ZBTB46: variants seen among roughly 807,000 people sequenced by gnomAD.
ZBTB46 encodes the protein zinc finger and BTB domain containing 46, also known as zinc finger and BTB domain-containing protein 46.
A neutral mutation model predicts 44.1 loss-of-function variants in ZBTB46; 8 were observed. That is an observed-to-expected ratio of 0.18 (90% CI 0.11 to 0.33). The LOEUF (loss-of-function observed/expected upper bound fraction) is 0.33. Ranked by LOEUF, ZBTB46 falls within the 10% of genes least tolerant of loss-of-function variation. ZBTB46 has a pLI of 1.00. For missense variants in ZBTB46, 651 were observed against 847.7 expected (o/e 0.77, Z 2.88); for synonymous variants, 409 against 382.3 (o/e 1.07, Z -0.81).
rs1214490579 is a variant in ZBTB46, at chr20:63,790,110, T to C, written c.648A>G (p.Leu216=). 12 of 1,614,050 alleles carry C rather than the reference T, an allele frequency of 7.4e-6. No homozygotes were observed. Among genetic ancestry groups the C allele is most frequent in the South Asian group, 1.1e-5 (1 of 91,080 alleles). Residue 216 remains leucine (L), a synonymous_variant, in exon 2 of 5, where the codon CTA becomes CTG. Coordinates refer to ENST00000245663, the MANE Select transcript of ZBTB46 (RefSeq NM_001369741.1). ...DGPDDVSSQP[L]WPGDVGYGPL... ...GCCCGTAGCCCACGTCTCCAGGCCATAGAGGCTGTGAAGAAACATCATCAG... is the reference window on the plus strand; with the variant it reads ...GCCCGTAGCCCACGTCTCCAGGCCACAGAGGCTGTGAAGAAACATCATCAG...
intron 3 of ZBTB46, among the ~76,000 whole-genome samples, chr20:63,764,678 C>T (rs545966005): frequency 2.0e-5 from 3 of 151,756 alleles, no homozygotes; most frequent in African/African-American, 4.8e-5. Context: ...TCTCAGCTCA[C>T]CGCATCCTCC....
intron 2 of ZBTB46, among the ~76,000 whole-genome samples, chr20:63,785,229 A>AG (rs1172181603): frequency 3.6e-5 from 5 of 138,400 alleles, no homozygotes; most frequent in African/African-American, 1.3e-4. Flanking sequence ...AGACTCAAAA[A>AG]AAAAAAAAAA....
At position 63,790,219 on chromosome 20, in the gene ZBTB46, G is replaced by A; in HGVS notation, c.539C>T (p.Ser180Phe). 2 of 1,612,386 alleles carry A rather than the reference G, an allele frequency of 1.2e-6. No homozygotes were observed. The highest frequency in any genetic ancestry group is 8.5e-7 in the Non-Finnish European group (1 of 1,179,410). The change falls in exon 2 of 5, where the codon TCT (serine) becomes TTT (phenylalanine). Residue 180 changes from serine to phenylalanine, a missense_variant. By Grantham distance (155) the Ser-to-Phe change is radical. Around this residue, in one of 5 missense-constraint regions of ZBTB46, gnomAD observed 385 missense variants for 423.3 expected, o/e 0.91. Transcript: ENST00000245663. The stretch of plus-strand genomic sequence containing the variant: ...GCTGGCGATGGCCGAGTCTCCGGAA[G>A]AATTGGCAGGACTCGTTCGCCGTGC... ...WLARRTSPANSSGDSAIASCH... is the reference protein window; with the variant it reads ...WLARRTSPANFSGDSAIASCH...
chr20:63,774,031 A>C (rs2092398697), intron 3 of ZBTB46, among the ~76,000 whole-genome samples: 4 of 143,048 alleles, frequency 2.8e-5, no homozygotes, highest in South Asian at 2.3e-4. Context: ...TGAATTCACA[A>C]CAGCTGTGTA....
upstream of ZBTB46, among the ~76,000 whole-genome samples, chr20:63,833,342 A>T (rs757925640): frequency 6.6e-6 from 1 of 152,252 alleles, no homozygotes; most frequent in Non-Finnish European, 1.5e-5. Context: ...CTGTAATCCC[A>T]GCACTTTGGG....
intron 1 of ZBTB46, chr20:63,807,996 G>A (rs1395014196): frequency 1.3e-5 from 2 of 151,588 alleles, no homozygotes; most frequent in Non-Finnish European, 2.9e-5. Context: ...TCCCACAGGG[G>A]ACACTCACGG....
rs1440178622 is a variant in ZBTB46, at chr20:63,750,642, C to T, written c.1398+2044G>A. Among the ~76,000 whole-genome samples, 3 of 152,258 alleles carry T rather than the reference C, an allele frequency of 2.0e-5. No homozygotes were observed. The East Asian group carries it at 5.8e-4, about 29-fold the overall frequency. ...AGCCCTGGTCGGACACAGTGGCTCACACCTGTAATCCCAGCACTTTGGGAA... is the reference window on the plus strand; with the variant it reads ...AGCCCTGGTCGGACACAGTGGCTCATACCTGTAATCCCAGCACTTTGGGAA... On this transcript the variant is annotated intron_variant, in intron 4 of 4. Coordinates refer to ENST00000245663, the MANE Select transcript of ZBTB46 (RefSeq NM_001369741.1).
intron 2 of ZBTB46, among the ~76,000 whole-genome samples, chr20:63,780,503 T>C (rs558884035): frequency 3.3e-5 from 5 of 151,678 alleles, no homozygotes; most frequent in African/African-American, 1.2e-4. Context: ...AGAAAAACCA[T>C]AGGAGAAAGT....
chr20:63,812,725 G>A (rs892940557), intron 1 of ZBTB46, among the ~76,000 whole-genome samples: 7 of 152,122 alleles, frequency 4.6e-5, no homozygotes, highest in African/African-American at 1.7e-4. Flanking sequence ...GTTGCCATGA[G>A]CCAAGACCAC....
At chr20:63,824,321 C>T (rs1254999701) in intron 1 of ZBTB46, among the ~76,000 whole-genome samples, 2 of 152,112 alleles carry the variant, frequency 1.3e-5, no homozygotes, top group Admixed American at 1.3e-4. Flanking sequence ...TTCGAAAATA[C>T]CTAAGCTGGC....
chr20:63,774,208 C>G (rs1323572035), intron 3 of ZBTB46, among the ~76,000 whole-genome samples: 1 of 152,060 alleles, frequency 6.6e-6, no homozygotes, highest in East Asian at 1.9e-4. Flanking sequence ...CGGCTCCTCA[C>G]TGAGTACACG....
chr20:63,769,135 G>A (rs533761781), intron 3 of ZBTB46: 19 of 964,850 alleles, frequency 2.0e-5, no homozygotes, highest in African/African-American at 3.5e-5. Context: ...GTGCCTCCTC[G>A]GAGGTGCCCG....
chr20:63,827,940 A>G (rs1250417575), intron 1 of ZBTB46, among the ~76,000 whole-genome samples: 1 of 152,188 alleles, frequency 6.6e-6, no homozygotes, highest in Non-Finnish European at 1.5e-5. Context: ...ATTGTTTTAG[A>G]GACAAGGCCT....
At chr20:63,793,303 C>T (rs760838049) in intron 1 of ZBTB46, among the ~76,000 whole-genome samples, 12 of 151,964 alleles carry the variant, frequency 7.9e-5, no homozygotes, top group East Asian at 3.9e-4. Context: ...GTGCTGAGGC[C>T]GCCCAGTGGT....
intron 1 of ZBTB46, among the ~76,000 whole-genome samples, chr20:63,808,477 G>A (rs1237353233): frequency 1.3e-5 from 2 of 152,130 alleles, no homozygotes; most frequent in Non-Finnish European, 2.9e-5. Flanking sequence ...CCCCGGGCCC[G>A]GCGGGAGGGA....
chr20:63,750,019 T>TG (rs1256360937), intron 4 of ZBTB46, among the ~76,000 whole-genome samples: 1 of 152,208 alleles, frequency 6.6e-6, no homozygotes. Flanking sequence ...TGCCAAGGCA[T>TG]GGGGGGCCCT....
At chr20:63,761,337 G>A (rs1031439125) in intron 3 of ZBTB46, among the ~76,000 whole-genome samples, 1 of 151,764 alleles carries the variant, frequency 6.6e-6, no homozygotes, top group African/African-American at 2.4e-5. Context: ...TACTTTCTTT[G>A]GGCTTAATTT....
At position 63,767,057 on chromosome 20, in the gene ZBTB46, C is replaced by T. The variant is rs1209928294; in HGVS notation, c.1222+8621G>A. Among the ~76,000 whole-genome samples, 5 of 152,238 alleles carry T rather than the reference C, an allele frequency of 3.3e-5. No individual in the cohort carries two copies. Among genetic ancestry groups the T allele is most frequent in the Admixed American group, 2.0e-4 (3 of 15,286 alleles). The stretch of plus-strand genomic sequence containing the variant: ...TAGAAAGCTGACATTGAACCTAACA[C>T]GTCCGACGAGGACGGGCAAGGGCAC... On this transcript the variant is annotated intron_variant, in intron 3 of 4. Coordinates refer to ENST00000245663, the MANE Select transcript of ZBTB46 (RefSeq NM_001369741.1). The surrounding 1 kb of genome is among the most constrained non-coding windows in gnomAD (Gnocchi z 5.0).
chr20:63,747,195 G>C lies in ZBTB46; in HGVS notation c.1505C>G (p.Thr502Ser). The change falls in exon 5 of 5, where the codon ACC becomes AGC. Residue 502 changes from threonine to serine, a missense_variant. Coordinates refer to ENST00000245663, the MANE Select transcript of ZBTB46 (RefSeq NM_001369741.1). The part of the protein sequence containing the change: ...RHGSRRHGVC[T>S]DCAGRGMAGP... ...GGCCATGCCGCGGCCAGCACAGTCG[G>C]TGCACACACCGTGGCGCCTGGAGCC... is the stretch of plus-strand genomic sequence containing the variant. 6.2e-7 allele frequency: 1 copy of C among 1,606,758 alleles called. No individual in the cohort carries two copies. The highest frequency in any genetic ancestry group is 8.5e-7 in the Non-Finnish European group (1 of 1,177,162).
Sources: allele counts gnomAD v4.1 joint callset (sites outside exome capture counted in the v4.1 genomes callset), GRCh38; gene constraint gnomAD v4.1.1; regional missense constraint gnomAD v4.1.1; non-coding constraint Gnocchi (gnomAD v3.1); transcripts MANE v1.5; gene names NCBI Gene and HGNC (gene_info 2026-07-23, HGNC 2026-07-21).